UBR1: variants seen among roughly 807,000 people sequenced by gnomAD.
UBR1 encodes the protein ubiquitin protein ligase E3 component n-recognin 1.
In UBR1, 102 loss-of-function variants were observed where a neutral mutation model predicts 242.1. The observed-to-expected ratio is 0.42, with a 90% CI of 0.36 to 0.50. UBR1 has a LOEUF of 0.50. UBR1 is among the 20% of genes least tolerant of loss of function. The probability of loss-of-function intolerance (pLI) is 0.01; values close to 1 mark genes in which losing one functional copy is unlikely to be tolerated. For missense variants in UBR1, 1,772 were observed against 2,101.8 expected (o/e 0.84, Z 3.07); for synonymous variants, 675 against 684.8 (o/e 0.99, Z 0.22).
At chr15:43,031,786 G>T (rs369696337) in intron 20 of UBR1, among the ~76,000 whole-genome samples, 11 of 152,200 alleles carry the variant, frequency 7.2e-5, no homozygotes, top group Non-Finnish European at 1.2e-4. Flanking sequence ...ACTTTGGGAG[G>T]CCAAGGCAGG....
Position 43,088,156 on chromosome 15 carries a change from T to C in UBR1, c.82-1916A>G, listed in dbSNP as rs114118275. Reference sequence around the variant, plus strand: ...TTAAAAACTTTTTCAATCCTATACATTTCATGTACAGTTATTCATAACAGC... The same window carrying C: ...TTAAAAACTTTTTCAATCCTATACACTTCATGTACAGTTATTCATAACAGC... On this transcript the variant is annotated intron_variant, in intron 1 of 46. Transcript: ENST00000290650. Among the ~76,000 whole-genome samples, 255 of 152,358 alleles carry C rather than the reference T, an allele frequency of 1.7e-3. 2 individuals are homozygous for C. Among genetic ancestry groups the C allele is most frequent in the Middle Eastern group, 6.8e-3 (2 of 294 alleles).
chr15:42,994,472 A>C (rs1009943970), intron 33 of UBR1, among the ~76,000 whole-genome samples: 7 of 152,064 alleles, frequency 4.6e-5, no homozygotes, highest in African/African-American at 1.7e-4. Context: ...CATATTACTA[A>C]ATCAAGCTTA....
chr15:43,071,879 A>C (rs926691714), intron 4 of UBR1, among the ~76,000 whole-genome samples: 1 of 152,234 alleles, frequency 6.6e-6, no homozygotes, highest in Non-Finnish European at 1.5e-5. Flanking sequence ...GGTGGCCATA[A>C]CAAAAAAAGC....
At chr15:43,008,360 G>A (rs977495344) in intron 29 of UBR1, among the ~76,000 whole-genome samples, 2 of 152,280 alleles carry the variant, frequency 1.3e-5, no homozygotes, top group African/African-American at 4.8e-5. Context: ...CTGTGGCCAA[G>A]CCCAGGCGCT....
chr15:43,085,657 G>T lies in UBR1; in HGVS notation c.338+327C>A, dbSNP rs1043798850. ...CCAGCACTTTGTGAGGCTGAGGCAT[G>T]TGGATCACTTGAGGCCAGGAGTTTG... On this transcript the variant is annotated intron_variant, in intron 2 of 46. Coordinates refer to ENST00000290650, the MANE Select transcript of UBR1 (RefSeq NM_174916.3). 3.3e-5 allele frequency among the ~76,000 whole-genome samples: 5 copies of T among 152,270 alleles called. No homozygotes were observed. In the East Asian group the frequency reaches 5.8e-4, roughly 18 times the overall value.
intron 46 of UBR1, among the ~76,000 whole-genome samples, chr15:42,948,759 A>C (rs896563670): frequency 4.3e-4 from 66 of 152,346 alleles, no homozygotes; most frequent in African/African-American, 1.6e-3. Context: ...TTAGAATGGC[A>C]ATCATTAAAA....
rs568347044 is a variant in UBR1, at chr15:43,106,030, G to A, written c.-8C>T. On this transcript the variant is annotated 5_prime_UTR_variant, in exon 1 of 47. Transcript: ENST00000290650. ...AGCCTCCTCGTCCGCCATCTTGAGGGAAACTGACGCCTGCAGTTGCCGACC... is the reference window on the plus strand; with the variant it reads ...AGCCTCCTCGTCCGCCATCTTGAGGAAAACTGACGCCTGCAGTTGCCGACC... 2.5e-6 allele frequency: 4 copies of A among 1,608,862 alleles called. No individual in the cohort carries two copies. Among genetic ancestry groups the A allele is most frequent in the South Asian group, 1.1e-5 (1 of 90,266 alleles).
At chr15:42,976,219 A>G (rs750456409) in intron 39 of UBR1, among the ~76,000 whole-genome samples, 1 of 152,226 alleles carries the variant, frequency 6.6e-6, no homozygotes, top group African/African-American at 2.4e-5. Context: ...CCTATCATCA[A>G]GAAACTTACA....
At position 43,099,137 on chromosome 15, in the gene UBR1, G is replaced by A. The variant is rs548795287; in HGVS notation, c.81+6805C>T. 3.3e-5 allele frequency among the ~76,000 whole-genome samples: 5 copies of A among 152,200 alleles called. 1 individual carries two copies. The highest frequency in any genetic ancestry group is 1.2e-4 in the African/African-American group (5 of 41,536). On this transcript the variant is annotated intron_variant, in intron 1 of 46. Transcript: ENST00000290650. ...GGATCACCTGAGGTCAGGAGTTTGA[G>A]ACCAGCCCGGCCAACACGGCAAAAT... is the stretch of plus-strand genomic sequence containing the variant.
Position 43,059,076 on chromosome 15 carries a change from T to C in UBR1, c.1093+9A>G, listed in dbSNP as rs773864217. 1.3e-5 allele frequency: 21 copies of C among 1,609,640 alleles called. No individual in the cohort carries two copies. The highest frequency in any genetic ancestry group is 1.2e-4 in the Admixed American group (7 of 60,002). ...TCCTGACAAACAGCATAAGCAAATG[T>C]CTACTTACCTTTATAAAGCTTTGCA... On this transcript the variant is annotated intron_variant, in intron 9 of 46. Coordinates refer to ENST00000290650, the MANE Select transcript of UBR1 (RefSeq NM_174916.3).
chr15:42,964,191 C>T (rs1028697557), intron 41 of UBR1, 148 bp from the exon 42 acceptor site: 8 of 659,512 alleles, frequency 1.2e-5, no homozygotes, highest in African/African-American at 3.6e-5. Flanking sequence ...GGTGGCAGTC[C>T]GGGCACGGTG....
intron 17 of UBR1, among the ~76,000 whole-genome samples, chr15:43,037,504 C>T (rs898424699): frequency 6.6e-6 from 1 of 152,046 alleles, no homozygotes; most frequent in Non-Finnish European, 1.5e-5. Context: ...CAGAAAAGAA[C>T]TATGTTAATG....
chr15:43,054,906 A>T lies in UBR1; in HGVS notation c.1282-7T>A. ...CTTCAATAAGATGTCGAGCCTGCGG[A>T]ATATTTCAAGAATATTTTCTTTAGC... On this transcript the variant is annotated splice_region_variant and splice_polypyrimidine_tract_variant and intron_variant, in intron 11 of 46. Coordinates refer to ENST00000290650, the MANE Select transcript of UBR1 (RefSeq NM_174916.3). 1 of 1,614,016 alleles carries T rather than the reference A, an allele frequency of 6.2e-7. No individual in the cohort carries two copies.
chr15:42,984,976 C>A, intron 35 of UBR1, 34 bp from the exon 36 acceptor site: 1 of 1,439,986 alleles, frequency 6.9e-7, no homozygotes, highest in Non-Finnish European at 9.7e-7. Context: ...AATAATAAAT[C>A]CTGAATAGTG....
rs1035132663 is a variant in UBR1, at chr15:43,082,830, A to G, written c.339-114T>C. Reference sequence around the variant, plus strand: ...CTCTATGGTACACAAACTGAATATGAAAATGCTTCAAAAACTGGATTGTTA... The same window carrying G: ...CTCTATGGTACACAAACTGAATATGGAAATGCTTCAAAAACTGGATTGTTA... On this transcript the variant is annotated intron_variant, in intron 2 of 46. Transcript: ENST00000290650. The G allele has an allele frequency of 1.5e-5, 11 of 754,868 alleles. No homozygotes were observed. The East Asian group carries it at 2.6e-4, about 18-fold the overall frequency. The allele number at this position is 754,868 out of a possible 1,614,324, so 46.8% of individuals were successfully genotyped here. A position where few individuals can be genotyped will look rare whatever the true frequency, so the allele number is the denominator to read the frequency against.
intron 15 of UBR1, among the ~76,000 whole-genome samples, chr15:43,038,698 T>C (rs965101421): frequency 6.6e-6 from 1 of 152,160 alleles, no homozygotes; most frequent in Non-Finnish European, 1.5e-5. Flanking sequence ...AAATACAATA[T>C]TACTAACGTA....
intron 39 of UBR1, among the ~76,000 whole-genome samples, chr15:42,973,938 T>C (rs2032247402): frequency 6.7e-6 from 1 of 149,120 alleles, no homozygotes; most frequent in African/African-American, 2.5e-5. Flanking sequence ...TCCCAGTCTG[T>C]AGTGCAGTGG....
intron 4 of UBR1, among the ~76,000 whole-genome samples, chr15:43,072,092 TC>T (rs1244979646): frequency 6.6e-6 from 1 of 152,182 alleles, no homozygotes; most frequent in African/African-American, 2.4e-5. Context: ...CCTCAAGTGA[TC>T]CACCCACTTC....
chr15:43,021,437 G>A, intron 26 of UBR1, 62 bp from the exon 27 acceptor site: 1 of 1,538,704 alleles, frequency 6.5e-7, no homozygotes, highest in Non-Finnish European at 9.0e-7. Flanking sequence ...GTATCCTCAG[G>A]GAATTGGTTT....
Sources: allele counts gnomAD v4.1 joint callset (sites outside exome capture counted in the v4.1 genomes callset), GRCh38; gene constraint gnomAD v4.1.1; transcripts MANE v1.5; gene names NCBI Gene and HGNC (gene_info 2026-07-23, HGNC 2026-07-21).